Variants in JMY observed in about 807,000 individuals in gnomAD.
JMY encodes junction mediating and regulatory protein, p53 cofactor.
In JMY, 46 loss-of-function variants were observed where a neutral mutation model predicts 103.3. That is an observed-to-expected ratio of 0.45 (90% CI 0.35 to 0.57). The LOEUF (loss-of-function observed/expected upper bound fraction) is 0.57, where lower values mean the gene tolerates loss of function less well. JMY is among the 20% of genes least tolerant of loss of function. The pLI is 0.00. For synonymous variants in JMY, 526 were observed against 489.3 expected (o/e 1.07, Z -0.99); for missense variants, 1,238 against 1,255.2 (o/e 0.99, Z 0.21).
Position 79,273,616 on chromosome 5 carries a change from T to C in JMY, c.1033-4294T>C, listed in dbSNP as rs1745847693. Among the ~76,000 whole-genome samples, 5 of 152,322 alleles carry C rather than the reference T, an allele frequency of 3.3e-5. 1 individual carries two copies. In the South Asian group the frequency reaches 1.0e-3, roughly 32 times the overall value. On this transcript the variant is annotated intron_variant, in intron 1 of 10. Coordinates refer to ENST00000396137, the MANE Select transcript of JMY (RefSeq NM_152405.5). ...TGTTCTGAATCATTTTCTCTTCTCC[T>C]CTGGAACTTCAGTTCAATATATGTT...
chr5:79,289,781 G>A (rs1356475778), intron 2 of JMY, among the ~76,000 whole-genome samples: 1 of 151,742 alleles, frequency 6.6e-6, no homozygotes, highest in Non-Finnish European at 1.5e-5. Flanking sequence ...AATTTGGGGG[G>A]GGGCATAAAT....
intron 1 of JMY, among the ~76,000 whole-genome samples, chr5:79,277,130 A>T (rs914059458): frequency 1.3e-5 from 2 of 152,106 alleles, no homozygotes; most frequent in Admixed American, 1.3e-4. Context: ...GAAAAGAATA[A>T]TTTTTTATAA....
rs541342477 is a variant in JMY at position 79,323,501 on chromosome 5, A to C, written c.*1899A>C. The C allele has an allele frequency of 1.3e-5, 2 of 152,350 alleles. No individual in the cohort carries two copies. Among genetic ancestry groups the C allele is most frequent in the Non-Finnish European group, 2.9e-5 (2 of 68,026 alleles). The allele number at this position is 152,350 out of a possible 1,614,324, so 9.4% of individuals were successfully genotyped here. ...CCAAAGAGTGATTGGTTATATGAAT[A>C]TATTTGAAAAAGTTAAAGCAAATTT... is the stretch of plus-strand genomic sequence containing the variant. On this transcript the variant is annotated 3_prime_UTR_variant, in exon 11 of 11. Transcript: ENST00000396137.
intron 4 of JMY, among the ~76,000 whole-genome samples, chr5:79,295,643 G>A (rs1245263962): frequency 6.6e-6 from 1 of 152,174 alleles, no homozygotes; most frequent in Non-Finnish European, 1.5e-5. Context: ...GGTTCACAAA[G>A]CATGCTGTTG....
intron 1 of JMY, among the ~76,000 whole-genome samples, chr5:79,249,271 A>G (rs114026209): frequency 0.034 from 5,142 of 150,100 alleles, 110 homozygotes; most frequent in South Asian, 0.063. Flanking sequence ...GTCCTCCTGC[A>G]TTGGCCTCCC....
At chr5:79,300,929 T>C in intron 6 of JMY, 66 bp downstream of exon 6, 2 of 1,357,772 alleles carry the variant, frequency 1.5e-6, no homozygotes, top group Admixed American at 2.6e-5. Flanking sequence ...TCATCTGTTT[T>C]GTCTTTAAAA....
intron 1 of JMY, among the ~76,000 whole-genome samples, chr5:79,241,235 G>A (rs1343856090): frequency 6.6e-6 from 1 of 152,068 alleles, no homozygotes; most frequent in East Asian, 1.9e-4. Flanking sequence ...CCTTGGCTTT[G>A]ACAATACCTT....
rs78877284 is a variant in JMY, at chr5:79,302,607, G to C, written c.1881+1744G>C. Among the ~76,000 whole-genome samples, 1,165 of 152,302 alleles carry C rather than the reference G, an allele frequency of 7.6e-3. 12 individuals are homozygous for C. The highest frequency in any genetic ancestry group is 0.026 in the African/African-American group (1,070 of 41,564). ...AAGACACTGAAGCAGAAAACAGCAT[G>C]GTTTGTCAGAGCATTCTACATTGTA... On this transcript the variant is annotated intron_variant, in intron 6 of 10. Coordinates refer to ENST00000396137, the MANE Select transcript of JMY (RefSeq NM_152405.5).
chr5:79,273,303 A>G (rs1244277782), intron 1 of JMY, among the ~76,000 whole-genome samples: 1 of 152,138 alleles, frequency 6.6e-6, no homozygotes, highest in Non-Finnish European at 1.5e-5. Context: ...TTGCTTGGAA[A>G]TGGAATTCTG....
Position 79,284,313 on chromosome 5 carries a change from T to C in JMY, c.1207-5808T>C. On this transcript the variant is annotated intron_variant, in intron 2 of 10. Transcript: ENST00000396137. ...TCTAACGAAGACATCATGGAGAGGA[T>C]AGATTGGCAAGCCTTTTCTATGTCT... 7 of 1,442,202 alleles carry C rather than the reference T, an allele frequency of 4.9e-6. No homozygotes were observed. The Admixed American group carries it at 5.0e-5, about 10-fold the overall frequency. The allele number at this position is 1,442,202 out of a possible 1,614,324, so 89.3% of individuals were successfully genotyped here.
intron 1 of JMY, among the ~76,000 whole-genome samples, chr5:79,251,431 G>T (rs916587567): frequency 1.3e-5 from 2 of 151,860 alleles, no homozygotes; most frequent in African/African-American, 4.8e-5. Context: ...TACATAGTAG[G>T]TGTATATATT....
chr5:79,322,499 CTT>C lies in JMY; in HGVS notation c.*900_*901del, dbSNP rs911433271. ...AATCATAGGGATGCAGATCTTAACTCTTTTCACAAATTACCATTTTAAGTTTT... is the reference window on the plus strand; with the variant it reads ...AATCATAGGGATGCAGATCTTAACTCTTCACAAATTACCATTTTAAGTTTT... On this transcript the variant is annotated 3_prime_UTR_variant, in exon 11 of 11. Coordinates refer to ENST00000396137, the MANE Select transcript of JMY (RefSeq NM_152405.5). The C allele has an allele frequency of 2.0e-5, 3 of 152,214 alleles. No homozygotes were observed. Among genetic ancestry groups the C allele is most frequent in the African/African-American group, 7.2e-5 (3 of 41,462 alleles). The allele number at this position is 152,214 out of a possible 1,614,324, so 9.4% of individuals were successfully genotyped here.
chr5:79,290,563 T>C (rs1411884839), intron 3 of JMY, among the ~76,000 whole-genome samples: 2 of 152,130 alleles, frequency 1.3e-5, no homozygotes, highest in African/African-American at 4.8e-5. Flanking sequence ...ACTTTGAAAG[T>C]TAATAACACC....
At chr5:79,256,834 T>C (rs991458341) in intron 1 of JMY, among the ~76,000 whole-genome samples, 2 of 146,846 alleles carry the variant, frequency 1.4e-5, no homozygotes, top group Non-Finnish European at 3.0e-5. Context: ...CATAGTTCAC[T>C]GCAGTCTCAA....
intron 2 of JMY, among the ~76,000 whole-genome samples, chr5:79,287,011 G>A (rs564441924): frequency 7.2e-5 from 11 of 152,250 alleles, no homozygotes; most frequent in South Asian, 6.2e-4. Flanking sequence ...GAGGAACCCC[G>A]TGGAGCTGAC....
chr5:79,314,902 TA>T (rs757544898), intron 9 of JMY, 51 bp downstream of exon 9: 1 of 1,461,384 alleles, frequency 6.8e-7, no homozygotes, highest in Non-Finnish European at 9.2e-7. Flanking sequence ...TCAGGCATAG[TA>T]AAAAACTATA....
chr5:79,261,519 T>C (rs909302696), intron 1 of JMY, among the ~76,000 whole-genome samples: 2 of 152,116 alleles, frequency 1.3e-5, no homozygotes, highest in East Asian at 3.8e-4. Context: ...ATGGAGCCAC[T>C]GTACTCCAGC....
At chr5:79,283,507 C>G (rs1746182592) in intron 2 of JMY, among the ~76,000 whole-genome samples, 1 of 152,032 alleles carries the variant, frequency 6.6e-6, no homozygotes, top group African/African-American at 2.4e-5. Flanking sequence ...CATAATATCT[C>G]ACCTGTTAAG....
chr5:79,315,707 C>G (rs767763524), intron 9 of JMY, among the ~76,000 whole-genome samples: 10 of 152,154 alleles, frequency 6.6e-5, no homozygotes, highest in Non-Finnish European at 1.2e-4. Flanking sequence ...GAATCACACC[C>G]ATAATACTAC....
Sources: allele counts gnomAD v4.1 joint callset (sites outside exome capture counted in the v4.1 genomes callset), GRCh38; gene constraint gnomAD v4.1.1; transcripts MANE v1.5; gene names NCBI Gene and HGNC (gene_info 2026-07-23, HGNC 2026-07-21).